The following TMEM132D variants were observed in gnomAD, a reference collection of about 807,000 sequenced individuals.
TMEM132D encodes mature OL transmembrane protein.
In TMEM132D, 21 loss-of-function variants were observed where a neutral mutation model predicts 62.3. The observed-to-expected ratio is 0.34, with a 90% CI of 0.24 to 0.49. TMEM132D has a LOEUF of 0.49. TMEM132D is among the 20% of genes least tolerant of loss of function. The probability of loss-of-function intolerance (pLI) is 0.99; values close to 1 mark genes in which losing one functional copy is unlikely to be tolerated. For synonymous variants in TMEM132D, 621 were observed against 575.6 expected, an observed-to-expected ratio of 1.08 and a Z score of -1.13; for missense variants, 1,346 against 1,402.8, an observed-to-expected ratio of 0.96 and a Z score of 0.65.
At chr12:129,426,202 C>A (rs1051323140) in intron 3 of TMEM132D, among the ~76,000 whole-genome samples, 19 of 152,260 alleles carry the variant, frequency 1.2e-4, no homozygotes, top group African/African-American at 4.6e-4. Context: ...GGTTTTCATC[C>A]CATGACTGCC....
At chr12:129,266,131 T>C (rs1038455046) in intron 4 of TMEM132D, among the ~76,000 whole-genome samples, 1 of 152,162 alleles carries the variant, frequency 6.6e-6, no homozygotes, top group Admixed American at 6.5e-5. Flanking sequence ...TGCTGCCATA[T>C]TGGATGGTCA....
chr12:129,318,220 G>A (rs893660261), intron 4 of TMEM132D, among the ~76,000 whole-genome samples: 1 of 152,114 alleles, frequency 6.6e-6, no homozygotes, highest in Non-Finnish European at 1.5e-5. Context: ...GAAGAGCCTT[G>A]TTTTGTCATA....
At chr12:129,390,211 G>A (rs997504035) in intron 3 of TMEM132D, among the ~76,000 whole-genome samples, 1 of 152,168 alleles carries the variant, frequency 6.6e-6, no homozygotes, top group Non-Finnish European at 1.5e-5. Context: ...GGGCCAGTTC[G>A]GGTCCTCCGT....
intron 2 of TMEM132D, among the ~76,000 whole-genome samples, chr12:129,563,835 C>T (rs1877301609): frequency 6.6e-6 from 1 of 152,000 alleles, no homozygotes. Flanking sequence ...AAATACTGAA[C>T]AATCAATACA....
At chr12:129,798,968 T>C (rs544389104) in intron 1 of TMEM132D, among the ~76,000 whole-genome samples, 3 of 152,292 alleles carry the variant, frequency 2.0e-5, no homozygotes, top group South Asian at 4.1e-4. Context: ...AGAGTTCACA[T>C]AAAAATATGG....
chr12:129,699,933 C>T lies in TMEM132D; in HGVS notation c.845G>A (p.Arg282Lys). 1.2e-6 allele frequency: 2 copies of T among 1,614,192 alleles called. No homozygotes were observed. Among genetic ancestry groups the T allele is most frequent in the Non-Finnish European group, 1.7e-6 (2 of 1,180,038 alleles). Residue 282 changes from arginine (R) to lysine (K), a missense_variant, in exon 2 of 9, where the codon AGA becomes AAA. Arg to Lys is a conservative substitution (Grantham distance 26, BLOSUM62 2). Transcript: ENST00000422113. ...LYQTHRKPSLRELRLDNSVAI... is the reference protein window; with the variant it reads ...LYQTHRKPSLKELRLDNSVAI... ...CACGCTGTTGTCCAGACGCAGTTCT[C>T]TCAGGGAGGGTTTCCTGTGTGTCTG...
intron 3 of TMEM132D, among the ~76,000 whole-genome samples, chr12:129,508,791 G>C (rs773760637): frequency 4.6e-5 from 7 of 152,212 alleles, no homozygotes; most frequent in Middle Eastern, 3.4e-3. Context: ...AGTGGTGAAT[G>C]CTGGGTCTAA....
chr12:129,368,669 T>C (rs562246867), intron 3 of TMEM132D, among the ~76,000 whole-genome samples: 2 of 152,172 alleles, frequency 1.3e-5, no homozygotes, highest in Admixed American at 1.3e-4. Context: ...CCTGATTCGA[T>C]GACTGTGGGC....
At chr12:129,717,736 T>C (rs1005862351) in intron 1 of TMEM132D, among the ~76,000 whole-genome samples, 1 of 151,678 alleles carries the variant, frequency 6.6e-6, no homozygotes, top group Non-Finnish European at 1.5e-5. Flanking sequence ...AAATAAAATA[T>C]TTAATAAAAT....
intron 4 of TMEM132D, among the ~76,000 whole-genome samples, chr12:129,249,956 G>A (rs1880221864): frequency 6.6e-6 from 1 of 152,142 alleles, no homozygotes; most frequent in South Asian, 2.1e-4. Context: ...AGGGGAGAAT[G>A]TCATTACCAG....
intron 4 of TMEM132D, among the ~76,000 whole-genome samples, chr12:129,300,113 G>A (rs1261403742): frequency 2.8e-4 from 43 of 152,184 alleles, no homozygotes; most frequent in Admixed American, 2.7e-3. Context: ...CTGTTCTAAT[G>A]TGCCATTCAA....
intron 1 of TMEM132D, among the ~76,000 whole-genome samples, chr12:129,876,208 G>A (rs1874412383): frequency 6.6e-6 from 1 of 152,212 alleles, no homozygotes; most frequent in South Asian, 2.1e-4. Context: ...AGTGAGCCGA[G>A]AAATGTTATT....
intron 1 of TMEM132D, among the ~76,000 whole-genome samples, chr12:129,790,960 A>G (rs540252742): frequency 1.3e-5 from 2 of 152,336 alleles, no homozygotes; most frequent in South Asian, 4.1e-4. Flanking sequence ...TTTGTTTTCA[A>G]TGGAAAGAAA....
chr12:129,725,172 C>CGT (rs1868986626), intron 1 of TMEM132D, among the ~76,000 whole-genome samples: 1 of 152,144 alleles, frequency 6.6e-6, no homozygotes, highest in Non-Finnish European at 1.5e-5. Flanking sequence ...TGGCAAGAGA[C>CGT]GTGGCTTTTC....
chr12:129,415,063 C>A (rs1170091003), intron 3 of TMEM132D, among the ~76,000 whole-genome samples: 1 of 152,170 alleles, frequency 6.6e-6, no homozygotes, highest in Non-Finnish European at 1.5e-5. Flanking sequence ...ATGCATCATC[C>A]ACTGATGGGC....
At chr12:129,553,693 C>T (rs2137107805) in intron 2 of TMEM132D, among the ~76,000 whole-genome samples, 1 of 152,336 alleles carries the variant, frequency 6.6e-6, no homozygotes, top group Non-Finnish European at 1.5e-5. Context: ...AGCTCCAGCA[C>T]ACCACAAGCA....
At chr12:129,202,817 G>A (rs1306298504) in intron 5 of TMEM132D, among the ~76,000 whole-genome samples, 1 of 152,148 alleles carries the variant, frequency 6.6e-6, no homozygotes, top group African/African-American at 2.4e-5. Context: ...ACACCTCCAG[G>A]GAAAACTTGA....
chr12:129,269,024 TGGGGGGA>T (rs1341650125), intron 4 of TMEM132D, among the ~76,000 whole-genome samples: 3 of 32,404 alleles, frequency 9.3e-5, no homozygotes, highest in African/African-American at 3.9e-4. Context: ...TGTTGTGGGG[TGGGGGGA>T]GGGGGGAGGG....
At chr12:129,552,965 A>C (rs1306602982) in intron 2 of TMEM132D, among the ~76,000 whole-genome samples, 1 of 152,188 alleles carries the variant, frequency 6.6e-6, no homozygotes, top group Non-Finnish European at 1.5e-5. Flanking sequence ...CACGGTCCAG[A>C]TCCAACAACT....
Sources: allele counts gnomAD v4.1 joint callset (sites outside exome capture counted in the v4.1 genomes callset), GRCh38; gene constraint gnomAD v4.1.1; transcripts MANE v1.5; gene names NCBI Gene and HGNC (gene_info 2026-07-23, HGNC 2026-07-21).